CDH13: variants seen among roughly 807,000 people sequenced by gnomAD.
CDH13 encodes cadherin 13, also known as cadherin-13.
A neutral mutation model predicts 63.8 loss-of-function variants in CDH13; 24 were observed. That is an observed-to-expected ratio of 0.38 (90% CI 0.27 to 0.53). The LOEUF (loss-of-function observed/expected upper bound fraction) is 0.53, where lower values mean the gene tolerates loss of function less well. Ranked by LOEUF, CDH13 falls within the 20% of genes least tolerant of loss-of-function variation. The pLI, the probability that CDH13 is intolerant of heterozygous loss-of-function variation, is 0.85. For synonymous variants in CDH13, 503 were observed against 355.3 expected (o/e 1.42, Z -4.67); for missense variants, 1,049 against 903.1 (o/e 1.16, Z -2.07).
intron 8 of CDH13, among the ~76,000 whole-genome samples, chr16:83,634,560 C>G (rs1911087437): frequency 1.3e-5 from 2 of 151,998 alleles, no homozygotes; most frequent in South Asian, 2.1e-4. Flanking sequence ...GCCACCATGC[C>G]CAGCTAATTT....
intron 5 of CDH13, among the ~76,000 whole-genome samples, chr16:83,239,501 G>A (rs1364306): frequency 0.95 from 144,290 of 152,298 alleles, 68,365 homozygotes; most frequent in East Asian, 1. Context: ...CAAGCTGGGG[G>A]CATCATGCTG....
chr16:82,797,216 C>T (rs9923361), intron 1 of CDH13, among the ~76,000 whole-genome samples: 20,529 of 152,166 alleles, frequency 0.13, 1,500 homozygotes, highest in Non-Finnish European at 0.16. Context: ...CTTCTGAATA[C>T]GGTTTGCTGT....
At chr16:83,129,572 C>T (rs2035959181) in intron 4 of CDH13, among the ~76,000 whole-genome samples, 1 of 152,186 alleles carries the variant, frequency 6.6e-6, no homozygotes, top group African/African-American at 2.4e-5. Context: ...GTCAGCGTTA[C>T]ACCACCCCCA....
intron 2 of CDH13, among the ~76,000 whole-genome samples, chr16:83,003,937 TTGC>T (rs1913205736): frequency 2.0e-5 from 3 of 152,220 alleles, no homozygotes. Flanking sequence ...CTAAGTGGAT[TTGC>T]TCCATGTAAA....
intron 7 of CDH13, among the ~76,000 whole-genome samples, chr16:83,516,998 G>C (rs997217781): frequency 6.6e-6 from 1 of 152,110 alleles, no homozygotes; most frequent in African/African-American, 2.4e-5. Context: ...AGAAATTGCT[G>C]GTGTAGTTAA....
intron 5 of CDH13, among the ~76,000 whole-genome samples, chr16:83,251,562 G>T (rs979317812): frequency 1.3e-5 from 2 of 152,206 alleles, no homozygotes; most frequent in African/African-American, 4.8e-5. Flanking sequence ...GGTCCAATCT[G>T]GAGGTGACTG....
chr16:82,790,053 A>G (rs976757547), intron 1 of CDH13, among the ~76,000 whole-genome samples: 1 of 152,150 alleles, frequency 6.6e-6, no homozygotes, highest in Non-Finnish European at 1.5e-5. Context: ...TTCTGGTGCT[A>G]TAGGGGGGTG....
At chr16:83,452,738 G>A (rs1276584889) in intron 6 of CDH13, among the ~76,000 whole-genome samples, 1 of 152,232 alleles carries the variant, frequency 6.6e-6, no homozygotes, top group African/African-American at 2.4e-5. Context: ...TGAGGAACAA[G>A]AGAAGTACCT....
rs527282291 is a variant in CDH13, at chr16:83,799,712, T to C, written c.*4682T>C. The C allele has an allele frequency of 6.6e-6, 1 of 152,258 alleles. No homozygotes were observed. Among genetic ancestry groups the C allele is most frequent in the African/African-American group, 2.4e-5 (1 of 41,474 alleles). 9.4% of individuals were successfully genotyped at this position (152,258 alleles called of 1,614,324 possible). A position where few individuals can be genotyped will look rare whatever the true frequency, so the allele number is the denominator to read the frequency against. On this transcript the variant is annotated 3_prime_UTR_variant, in exon 14 of 14. Coordinates refer to ENST00000567109, the MANE Select transcript of CDH13 (RefSeq NM_001257.5). Reference sequence around the variant, plus strand: ...TTGAGATTTGATAATTTTCACAGTCTAATGATAAAATGCTTTCAAAATGGT... The same window carrying C: ...TTGAGATTTGATAATTTTCACAGTCCAATGATAAAATGCTTTCAAAATGGT...
intron 8 of CDH13, among the ~76,000 whole-genome samples, chr16:83,645,205 C>T (rs1211989428): frequency 1.3e-5 from 2 of 152,180 alleles, no homozygotes; most frequent in African/African-American, 4.8e-5. Context: ...AGGTGAAATA[C>T]TATGCAGCCA....
At chr16:82,675,295 A>G (rs936934223) in intron 1 of CDH13, among the ~76,000 whole-genome samples, 2 of 152,062 alleles carry the variant, frequency 1.3e-5, no homozygotes, top group African/African-American at 2.4e-5. Flanking sequence ...TCATAAATTT[A>G]TCTAGCCCAT....
intron 3 of CDH13, among the ~76,000 whole-genome samples, chr16:83,115,964 C>T (rs539539141): frequency 3.7e-4 from 57 of 152,294 alleles, no homozygotes; most frequent in Non-Finnish European, 5.3e-4. Context: ...GTGGCCAGCC[C>T]GGGTCAAGCT....
At chr16:83,464,880 T>C (rs1044333414) in intron 6 of CDH13, among the ~76,000 whole-genome samples, 1 of 152,200 alleles carries the variant, frequency 6.6e-6, no homozygotes, top group Non-Finnish European at 1.5e-5. Flanking sequence ...TGACCTCAAG[T>C]GATCTCCCTG....
intron 3 of CDH13, among the ~76,000 whole-genome samples, chr16:83,059,507 G>A (rs192594246): frequency 3.3e-5 from 5 of 152,242 alleles, no homozygotes; most frequent in East Asian, 1.9e-4. Flanking sequence ...TAACACTGGC[G>A]CTCGGGTGTC....
chr16:83,791,262 C>G (rs896837445), intron 13 of CDH13, among the ~76,000 whole-genome samples: 1 of 152,062 alleles, frequency 6.6e-6, no homozygotes, highest in Non-Finnish European at 1.5e-5. Flanking sequence ...TTTCGGAAGC[C>G]TAGGTGGGCC....
chr16:83,110,002 G>C (rs558793086), intron 3 of CDH13, among the ~76,000 whole-genome samples: 7 of 152,194 alleles, frequency 4.6e-5, no homozygotes, highest in Non-Finnish European at 7.3e-5. Context: ...CATCCAAAGC[G>C]TATGTTTTTG....
chr16:83,759,802 C>A (rs1333784517), intron 11 of CDH13, among the ~76,000 whole-genome samples: 2 of 151,970 alleles, frequency 1.3e-5, no homozygotes, highest in Non-Finnish European at 2.9e-5. Flanking sequence ...GTGGCACACA[C>A]CTGTGGTCCC....
chr16:83,178,070 C>T (rs542753367), intron 4 of CDH13, among the ~76,000 whole-genome samples: 26 of 152,234 alleles, frequency 1.7e-4, no homozygotes, highest in African/African-American at 5.5e-4. Flanking sequence ...GAAATCTAGT[C>T]CTGTTTAGGT....
intron 7 of CDH13, among the ~76,000 whole-genome samples, chr16:83,492,838 A>G (rs2074045653): frequency 6.6e-6 from 1 of 152,162 alleles, no homozygotes; most frequent in Non-Finnish European, 1.5e-5. Flanking sequence ...GAAGACCTTG[A>G]TGAGTCTCAG....
Sources: gnomAD v4.1 joint callset for allele counts (sites outside exome capture counted in the v4.1 genomes callset) on GRCh38, gnomAD v4.1.1 for gene constraint, MANE v1.5 for transcripts, NCBI Gene and HGNC (gene_info 2026-07-23, HGNC 2026-07-21) for gene names.